Variants in LGR6 observed in about 807,000 individuals in gnomAD.
The protein encoded by LGR6 is leucine-rich repeat-containing G protein-coupled receptor 6.
In LGR6, 45 loss-of-function variants were observed where a neutral mutation model predicts 69.4. The observed-to-expected ratio is 0.65, with a 90% CI of 0.51 to 0.83. LGR6 has a LOEUF of 0.83. Ranked by LOEUF, LGR6 falls within the 40% of genes least tolerant of loss-of-function variation. The pLI is 0.00. For missense variants in LGR6, 1,108 were observed against 1,246.7 expected, an observed-to-expected ratio of 0.89 and a Z score of 1.68; for synonymous variants, 538 against 555.0, an observed-to-expected ratio of 0.97 and a Z score of 0.43.
rs1477878875 is a variant in LGR6, at chr1:202,268,318, G to GC, written c.429-7987dup. Among the ~76,000 whole-genome samples, 16 of 152,214 alleles carry GC rather than the reference G, an allele frequency of 1.1e-4. No homozygotes were observed. On this transcript the variant is annotated intron_variant, in intron 4 of 17. Coordinates refer to ENST00000367278, the MANE Select transcript of LGR6 (RefSeq NM_001017403.2). This position sits in a 1 kb window ranked among gnomAD's most constrained non-coding sequence, Gnocchi z 4.4. The stretch of plus-strand genomic sequence containing the variant: ...CCCAAGGGCATCTCCTCACTGCTCG[G>GC]CAGGTGCCAGCCTGCTCCCTGCTGG...
intron 4 of LGR6, among the ~76,000 whole-genome samples, chr1:202,250,392 TTTA>T (rs1446014589): frequency 1.3e-5 from 2 of 150,914 alleles, no homozygotes; most frequent in Non-Finnish European, 3.0e-5. Context: ...ATTTTTTATT[TTTA>T]TTATTTATTA....
intron 4 of LGR6, among the ~76,000 whole-genome samples, chr1:202,244,920 C>T (rs1240188388): frequency 1.3e-5 from 2 of 152,198 alleles, no homozygotes; most frequent in East Asian, 1.9e-4. Context: ...GGCATCTGGC[C>T]AAGTGAGGCC....
At chr1:202,265,793 A>G in intron 4 of LGR6, among the ~76,000 whole-genome samples, 1 of 152,168 alleles carries the variant, frequency 6.6e-6, no homozygotes, top group East Asian at 1.9e-4. Flanking sequence ...AGTGCCCATA[A>G]CTGGATCAAT....
At chr1:202,234,899 C>T (rs1476974269) in intron 3 of LGR6, among the ~76,000 whole-genome samples, 1 of 152,172 alleles carries the variant, frequency 6.6e-6, no homozygotes, top group Non-Finnish European at 1.5e-5. Context: ...AGGGCTCACT[C>T]ACTGTGCCCA....
intron 16 of LGR6, among the ~76,000 whole-genome samples, chr1:202,314,585 C>T (rs1006799133): frequency 9.9e-5 from 15 of 152,208 alleles, no homozygotes; most frequent in Non-Finnish European, 7.3e-5. Flanking sequence ...GAAATGTTTG[C>T]TGTGCACTCT....
chr1:202,245,584 C>T (rs1662590303), intron 4 of LGR6, among the ~76,000 whole-genome samples: 1 of 152,168 alleles, frequency 6.6e-6, no homozygotes, highest in Non-Finnish European at 1.5e-5. Flanking sequence ...ATGTTCTCCT[C>T]TGACTGGGCC....
chr1:202,283,913 G>A (rs149370502), intron 6 of LGR6, among the ~76,000 whole-genome samples: 1 of 152,358 alleles, frequency 6.6e-6, no homozygotes, highest in Non-Finnish European at 1.5e-5. Flanking sequence ...CCTGCAAGCT[G>A]GGTCAGCCAG....
chr1:202,224,566 G>A (rs2147949641), intron 1 of LGR6, among the ~76,000 whole-genome samples: 1 of 152,302 alleles, frequency 6.6e-6, no homozygotes, highest in Admixed American at 6.5e-5. Flanking sequence ...TGGAGTGTGG[G>A]GGATGGTTTC....
intron 4 of LGR6, among the ~76,000 whole-genome samples, chr1:202,269,302 C>T (rs1337917308): frequency 6.6e-6 from 1 of 152,134 alleles, no homozygotes; most frequent in East Asian, 1.9e-4. Flanking sequence ...GAGAGGGAGG[C>T]AACCAGGCTG....
chr1:202,317,101 G>T (rs920418320), intron 17 of LGR6, among the ~76,000 whole-genome samples: 1 of 152,190 alleles, frequency 6.6e-6, no homozygotes, highest in Non-Finnish European at 1.5e-5. Flanking sequence ...CACAGTGGAG[G>T]ACTTAGTGGA....
At chr1:202,284,764 C>T (rs143328193) in intron 6 of LGR6, among the ~76,000 whole-genome samples, 1 of 152,282 alleles carries the variant, frequency 6.6e-6, no homozygotes, top group East Asian at 1.9e-4. Context: ...TCCTAAAGGG[C>T]CCACCCTCAT....
At chr1:202,222,428 G>A (rs569140673) in intron 1 of LGR6, among the ~76,000 whole-genome samples, 29 of 152,252 alleles carry the variant, frequency 1.9e-4, no homozygotes, top group Non-Finnish European at 3.2e-4. Context: ...GTGGGGTGGG[G>A]GCCATGGAGG....
chr1:202,251,751 A>AC (rs1663265531), intron 4 of LGR6, among the ~76,000 whole-genome samples: 1 of 152,196 alleles, frequency 6.6e-6, no homozygotes, highest in Non-Finnish European at 1.5e-5. Flanking sequence ...TCTCAGCTGC[A>AC]CATCTGCTAA....
At chr1:202,276,606 G>C (rs1295420207) in intron 5 of LGR6, 85 bp downstream of exon 5, 1 of 1,160,658 alleles carries the variant, frequency 8.6e-7, no homozygotes, top group Non-Finnish European at 1.2e-6. Flanking sequence ...ATTGGAGCCT[G>C]GCTAGCTTTG....
At chr1:202,280,959 T>C (rs1665958773) in intron 6 of LGR6, 107 bp downstream of exon 6, 8 of 1,015,452 alleles carry the variant, frequency 7.9e-6, no homozygotes, top group African/African-American at 3.2e-5. Flanking sequence ...CCTGGGATGC[T>C]GGGGTCTGGC....
rs1000483873 is a variant in LGR6 at position 202,213,514 on chromosome 1, C to T, written c.213-11909C>T. 1.9e-4 allele frequency among the ~76,000 whole-genome samples: 29 copies of T among 152,282 alleles called. 1 individual carries two copies. Among genetic ancestry groups the T allele is most frequent in the African/African-American group, 7.0e-4 (29 of 41,558 alleles). On this transcript the variant is annotated intron_variant, in intron 1 of 17. Coordinates refer to ENST00000367278, the MANE Select transcript of LGR6 (RefSeq NM_001017403.2). Reference sequence around the variant, plus strand: ...CTCACTTGGAGGCACCAGAGAGAAGCGGCAGCTGCTGCCTCCTAAGGGCAG... The same window carrying T: ...CTCACTTGGAGGCACCAGAGAGAAGTGGCAGCTGCTGCCTCCTAAGGGCAG...
chr1:202,296,023 G>T (rs1036219799), intron 6 of LGR6, among the ~76,000 whole-genome samples: 1 of 152,022 alleles, frequency 6.6e-6, no homozygotes, highest in Non-Finnish European at 1.5e-5. Flanking sequence ...ACCCTGTCAC[G>T]CAGAGGAGCC....
intron 1 of LGR6, among the ~76,000 whole-genome samples, chr1:202,200,690 A>G (rs1658806467): frequency 6.6e-6 from 1 of 152,194 alleles, no homozygotes; most frequent in South Asian, 2.1e-4. Flanking sequence ...ATTGGCAAAA[A>G]TGGAGTGATC....
chr1:202,313,184 G>GCA (rs1219994408), intron 16 of LGR6, among the ~76,000 whole-genome samples: 12 of 151,036 alleles, frequency 7.9e-5, no homozygotes, highest in Non-Finnish European at 1.6e-4. Context: ...CCGAGATCAT[G>GCA]CCACTGCACT....
Sources: allele counts gnomAD v4.1 joint callset (sites outside exome capture counted in the v4.1 genomes callset), GRCh38; gene constraint gnomAD v4.1.1; non-coding constraint Gnocchi (gnomAD v3.1); transcripts MANE v1.5; gene names NCBI Gene and HGNC (gene_info 2026-07-23, HGNC 2026-07-21).